LHCGR: variants seen among roughly 807,000 people sequenced by gnomAD.
LHCGR encodes the protein luteinizing hormone/choriogonadotropin receptor, also known as lutropin-choriogonadotropic hormone receptor.
Under a neutral mutation model 60.7 loss-of-function variants are expected in LHCGR, and 55 were observed. The ratio of observed to expected loss-of-function variants is 0.91; its 90% CI spans 0.73 to 1.13. The LOEUF is 1.13. Among genes scored for constraint, LHCGR ranks in the 50% most tolerant of loss-of-function variants. LHCGR has a pLI of 0.00. For missense variants in LHCGR, 862 were observed against 836.0 expected (o/e 1.03, Z -0.38); for synonymous variants, 337 against 316.5 (o/e 1.06, Z -0.69).
At chr2:48,695,891 G>A (rs1572820891) in intron 9 of LHCGR, among the ~76,000 whole-genome samples, 1 of 152,218 alleles carries the variant, frequency 6.6e-6, no homozygotes, top group East Asian at 1.9e-4. Flanking sequence ...ATACTAGAGG[G>A]GTCAGGGAAG....
chr2:48,694,815 A>G (rs1043762370), intron 9 of LHCGR, among the ~76,000 whole-genome samples: 1 of 152,090 alleles, frequency 6.6e-6, no homozygotes, highest in Admixed American at 6.5e-5. Context: ...CTACTCCTCC[A>G]TCTTTCCCTC....
intron 7 of LHCGR, among the ~76,000 whole-genome samples, chr2:48,710,854 T>A (rs773421891): frequency 6.6e-6 from 1 of 152,324 alleles, no homozygotes; most frequent in Non-Finnish European, 1.5e-5. Context: ...GTTGAATGTA[T>A]CGTTTGAAAA....
rs1020548601 is a variant in LHCGR, at chr2:48,687,772, T to C, written c.2025A>G (p.Gln675=). ...NGFTGSNKPS[Q]STLKLSTLHC... ...GCAATGTGGACAACTTCAAGGTGGA[T>C]TGAGAAGGCTTATTTGATCCAGTGA... The change falls in exon 11 of 11, where the codon CAA becomes CAG. Residue 675 remains glutamine, a synonymous_variant. Transcript: ENST00000294954. 2.5e-6 allele frequency: 4 copies of C among 1,614,116 alleles called. No individual in the cohort carries two copies. The African/African-American group carries it at 5.3e-5, about 22-fold the overall frequency.
chr2:48,737,410 G>T (rs1401946507), intron 1 of LHCGR, among the ~76,000 whole-genome samples: 1 of 152,178 alleles, frequency 6.6e-6, no homozygotes, highest in Non-Finnish European at 1.5e-5. Context: ...AAATTCAAAA[G>T]AATTTGGTGT....
intron 8 of LHCGR, among the ~76,000 whole-genome samples, chr2:48,704,638 A>G (rs1239384575): frequency 6.6e-6 from 1 of 152,152 alleles, no homozygotes; most frequent in Non-Finnish European, 1.5e-5. Flanking sequence ...GTGTCCAGGA[A>G]TTTATCCATT....
At chr2:48,734,784 T>C (rs535285224) in intron 1 of LHCGR, among the ~76,000 whole-genome samples, 3 of 152,184 alleles carry the variant, frequency 2.0e-5, no homozygotes, top group Non-Finnish European at 4.4e-5. Flanking sequence ...ATGAAAGCTA[T>C]GCATAAAGCA....
At chr2:48,755,418 G>C in intron 1 of LHCGR, 93 bp downstream of exon 1, 1 of 813,924 alleles carries the variant, frequency 1.2e-6, no homozygotes, top group African/African-American at 1.8e-5. Context: ...AGCTTCCAGG[G>C]AAAGGGGGCC....
At chr2:48,714,542 A>C (rs1416730956) in intron 6 of LHCGR, among the ~76,000 whole-genome samples, 2 of 151,194 alleles carry the variant, frequency 1.3e-5, no homozygotes, top group Non-Finnish European at 2.9e-5. Context: ...ATTTGGCTCC[A>C]CAACCAAGAA....
chr2:48,743,528 G>T (rs1205925733), intron 1 of LHCGR, among the ~76,000 whole-genome samples: 4 of 152,142 alleles, frequency 2.6e-5, no homozygotes, highest in Non-Finnish European at 4.4e-5. Flanking sequence ...GGGATGCAAG[G>T]CTGGTTCAAC....
At chr2:48,698,457 T>G (rs1401822346) in intron 9 of LHCGR, among the ~76,000 whole-genome samples, 158 bp downstream of exon 9, 1 of 152,180 alleles carries the variant, frequency 6.6e-6, no homozygotes, top group Non-Finnish European at 1.5e-5. Flanking sequence ...ACAGAACAGT[T>G]TGTTTTCTTC....
chr2:48,755,474 C>T (rs1466305610), intron 1 of LHCGR, 37 bp downstream of exon 1: 1 of 1,345,376 alleles, frequency 7.4e-7, no homozygotes, highest in Non-Finnish European at 1.0e-6. Flanking sequence ...GAGGGTCCTG[C>T]ATCAAGGGCG....
intron 3 of LHCGR, 43 bp from the exon 4 acceptor site, chr2:48,725,793 G>T: frequency 1.4e-6 from 2 of 1,444,764 alleles, no homozygotes; most frequent in Non-Finnish European, 9.7e-7. Flanking sequence ...TTTAATAGAT[G>T]TGTATTGTTT....
At chr2:48,748,105 T>G (rs1669792964) in intron 1 of LHCGR, among the ~76,000 whole-genome samples, 1 of 152,204 alleles carries the variant, frequency 6.6e-6, no homozygotes, top group South Asian at 2.1e-4. Context: ...GATGATTCCC[T>G]GCTCTGAACT....
chr2:48,716,757 T>C (rs577020184), intron 6 of LHCGR, among the ~76,000 whole-genome samples: 3 of 152,348 alleles, frequency 2.0e-5, no homozygotes, highest in Admixed American at 6.5e-5. Flanking sequence ...AATTCCTTTA[T>C]AGCAGTCTCT....
intron 1 of LHCGR, among the ~76,000 whole-genome samples, chr2:48,746,457 T>C (rs993897426): frequency 6.6e-6 from 1 of 152,248 alleles, no homozygotes; most frequent in African/African-American, 2.4e-5. Flanking sequence ...ATTTCAACTC[T>C]AGAGAGCCAC....
At chr2:48,696,817 A>T (rs937437737) in intron 9 of LHCGR, among the ~76,000 whole-genome samples, 5 of 113,572 alleles carry the variant, frequency 4.4e-5, no homozygotes, top group Middle Eastern at 5.0e-3. Context: ...TCCCTGAACT[A>T]AAATTTTCAC....
rs376782787 is a variant in LHCGR at position 48,688,125 on chromosome 2, A to G, written c.1672T>C (p.Leu558=). 1.5e-5 allele frequency: 25 copies of G among 1,614,042 alleles called. No individual in the cohort carries two copies. Among genetic ancestry groups the G allele is most frequent in the Non-Finnish European group, 1.9e-5 (22 of 1,180,036 alleles). The change falls in exon 11 of 11, where the codon TTA becomes CTA. Residue 558 remains leucine, a synonymous_variant. Transcript: ENST00000294954. This position sits in a 1 kb window ranked among gnomAD's most constrained non-coding sequence, Gnocchi z 5.2. ...TTTGTATCTTTATTGGTAGCCATTA[A>G]TTCTGGGTTTCGAACTGCAAAATAA... is the stretch of plus-strand genomic sequence containing the variant. ...KIYFAVRNPE[L]MATNKDTKIA...
At chr2:48,729,943 T>C (rs1036849820) in intron 2 of LHCGR, among the ~76,000 whole-genome samples, 1 of 152,222 alleles carries the variant, frequency 6.6e-6, no homozygotes, top group African/African-American at 2.4e-5. Flanking sequence ...AATAATTGAA[T>C]TTTTTGAAAA....
rs1217411859 is a variant in LHCGR, at chr2:48,755,646, T to G, written c.26A>C (p.Gln9Pro). 2 of 1,535,532 alleles carry G rather than the reference T, an allele frequency of 1.3e-6. No individual in the cohort carries two copies. Among genetic ancestry groups the G allele is most frequent in the Non-Finnish European group, 1.7e-6 (2 of 1,146,244 alleles). The change falls in exon 1 of 11, where the codon CAG (glutamine) becomes CCG (proline). Residue 9 changes from glutamine (Q) to proline (P), a missense_variant. Physicochemically the swap from Gln to Pro is moderately conservative, Grantham distance 76 (BLOSUM62 -1). Transcript: ENST00000294954. ...CAGCAGCAGCAGCAGCTTCAGCAGC[T>G]GCAGCGCCGAGAACCGCTGCTTCAT... MKQRFSAL[Q>P]LLKLLLLLQP...
Sources: gnomAD v4.1 joint callset for allele counts (sites outside exome capture counted in the v4.1 genomes callset) on GRCh38, gnomAD v4.1.1 for gene constraint, Gnocchi (gnomAD v3.1) non-coding constraint, MANE v1.5 for transcripts, NCBI Gene and HGNC (gene_info 2026-07-23, HGNC 2026-07-21) for gene names.